OTC: variants seen among roughly 807,000 people sequenced by gnomAD.
OTC encodes ornithine transcarbamylase, mitochondrial.
Under a neutral mutation model 30.3 loss-of-function variants are expected in OTC, and 3 were observed. The observed-to-expected ratio is 0.10, with a 90% CI of 0.05 to 0.26. OTC has a LOEUF of 0.26. OTC is among the 10% of genes least tolerant of loss of function. OTC has a pLI of 1.00. For missense variants in OTC, 194 were observed against 260.3 expected, an observed-to-expected ratio of 0.75 and a Z score of 1.75; for synonymous variants, 111 against 99.7, an observed-to-expected ratio of 1.11 and a Z score of -0.67.
chrX:38,407,017 G>A (rs1213613648), intron 6 of OTC, among the ~76,000 whole-genome samples: 1 of 112,834 alleles, frequency 8.9e-6, no homozygotes, highest in Admixed American at 9.3e-5. Context: ...AGAGTTTAGT[G>A]TGCAGGACAG....
intron 3 of OTC, among the ~76,000 whole-genome samples, chrX:38,377,690 T>C: frequency 9.0e-6 from 1 of 111,668 alleles, no homozygotes; most frequent in South Asian, 3.8e-4. Context: ...CCAATTAAAA[T>C]GTAAGTCAAA....
chrX:38,411,997 A>G lies in OTC; in HGVS notation c.1003A>G (p.Met335Val), dbSNP rs1447136196. 1 of 1,208,799 alleles carries G rather than the reference A, an allele frequency of 8.3e-7. No individual in the cohort carries two copies. Among genetic ancestry groups the G allele is most frequent in the East Asian group, 3.0e-5 (1 of 33,755 alleles). The change falls in exon 9 of 10, where the codon ATG becomes GTG. Residue 335 changes from methionine (M) to valine (V), a missense_variant and splice_region_variant. Coordinates refer to ENST00000039007, the MANE Select transcript of OTC (RefSeq NM_000531.6). ...GGCAGAAAACAGAAAGTGGACAATC[A>G]TGGTAAGCAAGAAACAAGGAATGGA... The part of the protein sequence containing the change: ...PEAENRKWTI[M>V]AVMVSLLTDY...
intron 9 of OTC, among the ~76,000 whole-genome samples, chrX:38,415,161 C>A (rs1324670925): frequency 9.1e-6 from 1 of 110,139 alleles, no homozygotes; most frequent in Non-Finnish European, 1.9e-5. Flanking sequence ...TCACTGCAAC[C>A]TCCGCCTCCT....
intron 4 of OTC, among the ~76,000 whole-genome samples, chrX:38,390,902 G>T (rs2068425780): frequency 8.9e-6 from 1 of 111,889 alleles, no homozygotes; most frequent in Non-Finnish European, 1.9e-5. Flanking sequence ...TTTGTTTATT[G>T]TCTTTTTTTG....
the OTC span, among the ~76,000 whole-genome samples, chrX:38,346,480 G>T: frequency 1.8e-5 from 2 of 112,299 alleles, no homozygotes; most frequent in African/African-American, 6.5e-5. Flanking sequence ...TAAAACTTAT[G>T]TTGACACAAA....
rs887343824 is a variant in OTC at position 38,421,212 on chromosome X, T to C, written c.*130T>C. 5 of 509,997 alleles carry C rather than the reference T, an allele frequency of 9.8e-6. No homozygotes were observed. Among genetic ancestry groups the C allele is most frequent in the African/African-American group, 4.7e-5 (2 of 42,995 alleles). The allele number at this position is 509,997 out of a possible 1,213,427, so 42.0% of individuals were successfully genotyped here. A position where few individuals can be genotyped will look rare whatever the true frequency, so the allele number is the denominator to read the frequency against. The stretch of plus-strand genomic sequence containing the variant: ...CGTGGTATGGGTGAACCGTATGATA[T>C]GCTTTGCCATTGTGAAACTTTCCTT... On this transcript the variant is annotated 3_prime_UTR_variant, in exon 10 of 10. Transcript: ENST00000039007.
intron 3 of OTC, among the ~76,000 whole-genome samples, chrX:38,376,509 C>T (rs1210606115): frequency 9.0e-6 from 1 of 111,390 alleles, no homozygotes; most frequent in African/African-American, 3.3e-5. Context: ...GCTGACTAGT[C>T]GGGAAATGGA....
the OTC span, among the ~76,000 whole-genome samples, chrX:38,338,730 G>A: frequency 8.9e-6 from 1 of 112,366 alleles, no homozygotes; most frequent in Admixed American, 9.4e-5. Flanking sequence ...AGTCTAGAGA[G>A]AAATACTTGG....
At chrX:38,400,350 G>T (rs766566646) in intron 4 of OTC, among the ~76,000 whole-genome samples, 1 of 111,354 alleles carries the variant, frequency 9.0e-6, no homozygotes, top group East Asian at 2.8e-4. Flanking sequence ...CTAATCCCTG[G>T]GGCCAAGCAG....
At chrX:38,421,710 C>T (rs1360639766), downstream of OTC, among the ~76,000 whole-genome samples, 3 of 112,297 alleles carry the variant, frequency 2.7e-5, no homozygotes, top group African/African-American at 9.7e-5. Context: ...GCATGTATCT[C>T]TTCTCTGTAA....
intron 4 of OTC, among the ~76,000 whole-genome samples, chrX:38,391,262 G>T (rs1262031287): frequency 9.0e-6 from 1 of 110,771 alleles, no homozygotes; most frequent in Non-Finnish European, 1.9e-5. Flanking sequence ...GGGAAGGGGG[G>T]AGGGATAGTA....
intron 9 of OTC, 124 bp from the exon 10 acceptor site, chrX:38,420,899 T>C: frequency 2.0e-6 from 1 of 507,986 alleles, no homozygotes; most frequent in East Asian, 3.7e-5. Context: ...TCTTACCATT[T>C]TCTTGAGAAA....
chrX:38,349,354 G>T (rs1386150897), upstream of OTC, among the ~76,000 whole-genome samples: 1 of 112,662 alleles, frequency 8.9e-6, no homozygotes, highest in Non-Finnish European at 1.9e-5. Context: ...CAACTGAAAA[G>T]CTTATGTTGA....
chrX:38,352,003 C>G (rs892547186), upstream of OTC, among the ~76,000 whole-genome samples: 2 of 111,898 alleles, frequency 1.8e-5, no homozygotes, highest in Non-Finnish European at 3.8e-5. Flanking sequence ...TCAAGTGATC[C>G]GCCCGCCTCA....
At chrX:38,410,544 A>G (rs1183415932) in intron 8 of OTC, among the ~76,000 whole-genome samples, 3 of 112,003 alleles carry the variant, frequency 2.7e-5, no homozygotes, top group Non-Finnish European at 5.6e-5. Flanking sequence ...TTTTATGTTT[A>G]TTGGGCATTG....
chrX:38,392,248 C>A (rs974120678), intron 4 of OTC, among the ~76,000 whole-genome samples: 6 of 111,926 alleles, frequency 5.4e-5, no homozygotes, highest in Admixed American at 9.5e-5. Context: ...TTGGCTAATG[C>A]CAAAGATTGT....
chrX:38,379,143 C>T (rs1264261439), intron 3 of OTC, among the ~76,000 whole-genome samples: 1 of 111,487 alleles, frequency 9.0e-6, no homozygotes, highest in Non-Finnish European at 1.9e-5. Context: ...TTTGATCCTA[C>T]CTGGCACCTA....
intron 9 of OTC, among the ~76,000 whole-genome samples, chrX:38,413,264 T>C (rs1458809018): frequency 8.9e-6 from 1 of 112,265 alleles, no homozygotes; most frequent in Non-Finnish European, 1.9e-5. Flanking sequence ...GTAAAGCTTT[T>C]AGTATAGTAC....
intron 8 of OTC, among the ~76,000 whole-genome samples, chrX:38,411,597 C>T (rs1275402791): frequency 9.2e-6 from 1 of 108,417 alleles, no homozygotes. Context: ...GCTCTGGAGG[C>T]GGAGGTTGCA....
Sources: allele counts gnomAD v4.1 joint callset (sites outside exome capture counted in the v4.1 genomes callset), GRCh38; gene constraint gnomAD v4.1.1; transcripts MANE v1.5; gene names NCBI Gene and HGNC (gene_info 2026-07-23, HGNC 2026-07-21).